GOLGA3: variants seen among roughly 807,000 people sequenced by gnomAD.
GOLGA3 encodes the protein golgin subfamily A member 3.
GOLGA3 carries 75 observed loss-of-function variants against 169.4 expected under a neutral mutation model. That is an observed-to-expected ratio of 0.44 (90% confidence interval 0.37 to 0.54). The LOEUF is 0.54. GOLGA3 is among the 20% of genes least tolerant of loss of function. The probability of loss-of-function intolerance (pLI) is 0.00; values close to 1 mark genes in which losing one functional copy is unlikely to be tolerated. For missense variants in GOLGA3, 1,899 were observed against 1,930.0 expected (o/e 0.98, Z 0.30); for synonymous variants, 824 against 822.4 (o/e 1.00, Z -0.03).
At chr12:132,811,186 G>A (rs1222076952) in intron 4 of GOLGA3, among the ~76,000 whole-genome samples, 2 of 152,034 alleles carry the variant, frequency 1.3e-5, no homozygotes, top group African/African-American at 4.8e-5. Flanking sequence ...CTGTCTCCAC[G>A]TCTTGGTGGT....
intron 3 of GOLGA3, among the ~76,000 whole-genome samples, chr12:132,813,720 CCTTT>C (rs1949824443): frequency 9.1e-6 from 1 of 109,940 alleles, no homozygotes; most frequent in Non-Finnish European, 1.7e-5. Context: ...GCAGCAAGTG[CCTTT>C]TTTTTTTTTT....
rs1448510077 is a variant in GOLGA3 at position 132,784,315 on chromosome 12, C to T, written c.3124-8G>A. On this transcript the variant is annotated splice_region_variant and splice_polypyrimidine_tract_variant and intron_variant, in intron 15 of 23. Transcript: ENST00000450791. ...CAGGGCCTGGATCCTTTCCTAAGGG[C>T]CAAGATGGAACGGGCGCTTGGTCAT... is the stretch of plus-strand genomic sequence containing the variant. 1.2e-6 allele frequency: 2 copies of T among 1,602,240 alleles called. No individual in the cohort carries two copies. The highest frequency in any genetic ancestry group is 1.1e-5 in the South Asian group (1 of 90,792).
In GOLGA3 at chr12:132,772,186, T is replaced by C. The variant is rs2044925094; in HGVS notation, c.*919A>G. 1 of 152,222 alleles carries C rather than the reference T, an allele frequency of 6.6e-6. No individual in the cohort carries two copies. Among genetic ancestry groups the C allele is most frequent in the Admixed American group, 6.5e-5 (1 of 15,284 alleles). The allele number at this position is 152,222 out of a possible 1,614,324, so 9.4% of individuals were successfully genotyped here. A position where few individuals can be genotyped will look rare whatever the true frequency, so the allele number is the denominator to read the frequency against. The stretch of plus-strand genomic sequence containing the variant: ...CTGCAGGTAAATTATTCCCAACAAA[T>C]TTTCAAAAGGCAATCAATAATAAGT... On this transcript the variant is annotated 3_prime_UTR_variant, in exon 24 of 24. Transcript: ENST00000450791.
At chr12:132,809,289 C>G in intron 4 of GOLGA3, among the ~76,000 whole-genome samples, 1 of 152,172 alleles carries the variant, frequency 6.6e-6, no homozygotes, top group Non-Finnish European at 1.5e-5. Context: ...GGAGTGTGAC[C>G]ACTGAAGCAC....
At chr12:132,801,356 A>G (rs539523736) in intron 8 of GOLGA3, among the ~76,000 whole-genome samples, 1 of 152,336 alleles carries the variant, frequency 6.6e-6, no homozygotes, top group South Asian at 2.1e-4. Context: ...CCTGTGAGAC[A>G]TCACAGCAGA....
Position 132,770,455 on chromosome 12 carries a change from A to G in GOLGA3, c.*2650T>C, listed in dbSNP as rs1447923174. 6.6e-6 allele frequency: 1 copy of G among 152,114 alleles called. No homozygotes were observed. The highest frequency in any genetic ancestry group is 1.5e-5 in the Non-Finnish European group (1 of 68,028). 9.4% of individuals were successfully genotyped at this position (152,114 alleles called of 1,614,324 possible). ...TGGGGGAGGCATCGCACCCAAGGGCACACACGCAGGAAAACCGGGGTGAGA... is the reference window on the plus strand; with the variant it reads ...TGGGGGAGGCATCGCACCCAAGGGCGCACACGCAGGAAAACCGGGGTGAGA... On this transcript the variant is annotated 3_prime_UTR_variant, in exon 24 of 24. Coordinates refer to ENST00000450791, the MANE Select transcript of GOLGA3 (RefSeq NM_001389683.1).
chr12:132,776,928 C>G, intron 20 of GOLGA3, 30 bp downstream of exon 20: 2 of 1,558,830 alleles, frequency 1.3e-6, no homozygotes, highest in Non-Finnish European at 1.7e-6. Context: ...TGAGTCCAGC[C>G]CTGCAAGTCC....
At chr12:132,816,454 G>T in intron 3 of GOLGA3, 86 bp downstream of exon 3, 1 of 1,390,596 alleles carries the variant, frequency 7.2e-7, no homozygotes. Context: ...CAACAGCTCA[G>T]ACAGTGAGTG....
At chr12:132,789,355 C>A in intron 12 of GOLGA3, 65 bp from the exon 13 acceptor site, 1 of 1,410,462 alleles carries the variant, frequency 7.1e-7, no homozygotes, top group South Asian at 1.4e-5. Context: ...ACCTGGGGGT[C>A]AAGCTGGCTT....
intron 1 of GOLGA3, among the ~76,000 whole-genome samples, chr12:132,825,226 G>C (rs893752620): frequency 6.6e-6 from 1 of 151,868 alleles, no homozygotes; most frequent in South Asian, 2.1e-4. Flanking sequence ...TGGCCCCTCA[G>C]GTAAAGGAAC....
intron 16 of GOLGA3, 116 bp from the exon 17 acceptor site, chr12:132,782,609 G>T: frequency 1.3e-6 from 1 of 790,062 alleles, no homozygotes; most frequent in Non-Finnish European, 2.2e-6. Context: ...AGGCGCAGAG[G>T]CTCACGCCTG....
At chr12:132,801,720 G>A in intron 8 of GOLGA3, 47 bp downstream of exon 8, 1 of 1,526,112 alleles carries the variant, frequency 6.6e-7, no homozygotes, top group Non-Finnish European at 9.0e-7. Flanking sequence ...CGTTCTACAT[G>A]AAGACAAGAA....
chr12:132,799,780 C>G (rs1949041607), intron 8 of GOLGA3, among the ~76,000 whole-genome samples: 1 of 151,912 alleles, frequency 6.6e-6, no homozygotes, highest in African/African-American at 2.4e-5. Flanking sequence ...GTTGCCCAGG[C>G]TGAAGTGTGG....
At chr12:132,807,603 T>C (rs767036614) in intron 5 of GOLGA3, among the ~76,000 whole-genome samples, 5 of 152,152 alleles carry the variant, frequency 3.3e-5, no homozygotes, top group Non-Finnish European at 7.3e-5. Flanking sequence ...ATTCTACTGA[T>C]TAAAAAGCAG....
intron 11 of GOLGA3, among the ~76,000 whole-genome samples, chr12:132,792,715 C>A (rs1948605538): frequency 6.9e-6 from 1 of 144,000 alleles, no homozygotes; most frequent in South Asian, 2.2e-4. Flanking sequence ...GAGGGCTCCA[C>A]ACGGACCGAC....
intron 12 of GOLGA3, 42 bp downstream of exon 12, chr12:132,791,174 A>C (rs374012461): frequency 6.7e-5 from 75 of 1,116,872 alleles, no homozygotes; most frequent in Non-Finnish European, 1.0e-4. Context: ...AACTCTGTTC[A>C]TATGCTTGTT....
rs899847912 is a variant in GOLGA3 at position 132,777,444 on chromosome 12, C to G, written c.3722+222G>C. Among the ~76,000 whole-genome samples, 7 of 152,198 alleles carry G rather than the reference C, an allele frequency of 4.6e-5. No homozygotes were observed. The highest frequency in any genetic ancestry group is 1.7e-4 in the African/African-American group (7 of 41,446). ...CCCGCCTCTGACCTGAAGCTAAGTA[C>G]TCCTGCTGGGGCGCTTTCTCTCTTG... On this transcript the variant is annotated intron_variant, in intron 19 of 23. Transcript: ENST00000450791. This position sits in a 1 kb window ranked among gnomAD's most constrained non-coding sequence, Gnocchi z 4.7.
At chr12:132,785,100 G>A (rs2045827755) in intron 15 of GOLGA3, among the ~76,000 whole-genome samples, 1 of 152,228 alleles carries the variant, frequency 6.6e-6, no homozygotes, top group Non-Finnish European at 1.5e-5. Context: ...TTTGCCAAAA[G>A]TCACCACTTG....
At position 132,827,042 on chromosome 12, in the gene GOLGA3, G is replaced by A. The variant is rs1204529780; in HGVS notation, c.-184+1761C>T. ...CACACAACCCTAGGTTCACAGCTGG[G>A]TAACATCAAGGGACTTCATACTGAG... On this transcript the variant is annotated intron_variant, in intron 1 of 23. Coordinates refer to ENST00000450791, the MANE Select transcript of GOLGA3 (RefSeq NM_001389683.1). Among the ~76,000 whole-genome samples, 13 of 152,226 alleles carry A rather than the reference G, an allele frequency of 8.5e-5. No homozygotes were observed. In the South Asian group the frequency reaches 1.2e-3, roughly 15 times the overall value.
Sources: allele counts gnomAD v4.1 joint callset (sites outside exome capture counted in the v4.1 genomes callset), GRCh38; gene constraint gnomAD v4.1.1; non-coding constraint Gnocchi (gnomAD v3.1); transcripts MANE v1.5; gene names NCBI Gene and HGNC (gene_info 2026-07-23, HGNC 2026-07-21).